Variants in CFAP61 observed in about 807,000 individuals in gnomAD.
CFAP61 encodes the protein cilia and flagella associated protein 61.
CFAP61 carries 107 observed loss-of-function variants against 135.6 expected under a neutral mutation model. That is an observed-to-expected ratio of 0.79 (90% CI 0.67 to 0.93). The LOEUF is 0.93. Among genes scored for constraint, CFAP61 ranks in the 40% least tolerant of loss-of-function variants. The pLI is 0.00. For missense variants in CFAP61, 1,507 were observed against 1,556.2 expected (o/e 0.97, Z 0.53); for synonymous variants, 575 against 578.5 (o/e 0.99, Z 0.09).
At chr20:20,227,755 G>A (rs1601510103) in intron 17 of CFAP61, among the ~76,000 whole-genome samples, 1 of 152,182 alleles carries the variant, frequency 6.6e-6, no homozygotes, top group African/African-American at 2.4e-5. Context: ...CTGTCCACAA[G>A]ACACCGCGTT....
At position 20,071,122 on chromosome 20, in the gene CFAP61, A is replaced by G. The variant is rs570168091; in HGVS notation, c.294+118A>G. On this transcript the variant is annotated intron_variant, in intron 3 of 26. Transcript: ENST00000245957. Reference sequence around the variant, plus strand: ...GCAGTATATGACATCATGACAGTTAAAAGTGAAGGGAGCTGGTGGGGAGGA... The same window carrying G: ...GCAGTATATGACATCATGACAGTTAGAAGTGAAGGGAGCTGGTGGGGAGGA... 4.7e-4 allele frequency: 481 copies of G among 1,025,958 alleles called. No individual in the cohort carries two copies. The Middle Eastern group carries it at 6.7e-3, about 14-fold the overall frequency. 63.6% of individuals were successfully genotyped at this position (1,025,958 alleles called of 1,614,324 possible). A position where few individuals can be genotyped will look rare whatever the true frequency, so the allele number is the denominator to read the frequency against.
intron 25 of CFAP61, among the ~76,000 whole-genome samples, chr20:20,337,800 GACCTCTTGCCAGGGTTGGCAC>G (rs1282290526): frequency 1.6e-4 from 24 of 152,130 alleles, no homozygotes; most frequent in Admixed American, 3.3e-4. Context: ...CTCTCACCCA[GACCTCTTGCCAGGGTTGGCAC>G]ACCCAGATGC....
chr20:20,254,429 C>A (rs2051345403), intron 20 of CFAP61, among the ~76,000 whole-genome samples: 1 of 151,938 alleles, frequency 6.6e-6, no homozygotes, highest in South Asian at 2.1e-4. Context: ...GAAGACCCAG[C>A]CAGCTGCCCA....
At chr20:20,357,311 C>G (rs1442537418) in intron 26 of CFAP61, among the ~76,000 whole-genome samples, 39 of 28,888 alleles carry the variant, frequency 1.4e-3, no homozygotes, top group Non-Finnish European at 1.8e-3. Context: ...GAAGTGGTCA[C>G]ACTGAGGGGA....
At chr20:20,063,939 G>A (rs1392801782) in intron 2 of CFAP61, among the ~76,000 whole-genome samples, 1 of 151,772 alleles carries the variant, frequency 6.6e-6, no homozygotes, top group Non-Finnish European at 1.5e-5. Flanking sequence ...AGAATATAAA[G>A]TACCTAGTAT....
intron 8 of CFAP61, among the ~76,000 whole-genome samples, chr20:20,108,533 A>G (rs201467474): frequency 2.0e-5 from 3 of 151,766 alleles, no homozygotes; most frequent in African/African-American, 7.3e-5. Context: ...TGAAAAAAAA[A>G]TCAATGCAAA....
intron 21 of CFAP61, among the ~76,000 whole-genome samples, chr20:20,269,811 A>G (rs2147028000): frequency 6.6e-6 from 1 of 152,350 alleles, no homozygotes; most frequent in East Asian, 1.9e-4. Context: ...AACGTGTTAC[A>G]TATCCATCTG....
At chr20:20,082,925 C>G (rs954082269) in intron 6 of CFAP61, among the ~76,000 whole-genome samples, 2 of 152,180 alleles carry the variant, frequency 1.3e-5, no homozygotes, top group African/African-American at 4.8e-5. Context: ...CTATGGAAAA[C>G]AGTGTGGAGA....
chr20:20,274,806 TTAATA>T (rs2053620892), intron 21 of CFAP61, among the ~76,000 whole-genome samples: 1 of 152,234 alleles, frequency 6.6e-6, no homozygotes, highest in Non-Finnish European at 1.5e-5. Context: ...TTTTATTTAT[TTAATA>T]TAACATTATA....
chr20:20,246,240 T>C (rs772367444), intron 19 of CFAP61, 25 bp downstream of exon 19: 94 of 1,377,578 alleles, frequency 6.8e-5, no homozygotes, highest in Non-Finnish European at 8.4e-5. Context: ...TGCTTTTTCA[T>C]TCTGAGGCCT....
chr20:20,296,427 C>CTCCCTCCCTCCT (rs2055608524), intron 24 of CFAP61, among the ~76,000 whole-genome samples: 2 of 122,386 alleles, frequency 1.6e-5, no homozygotes, highest in Admixed American at 1.7e-4. Flanking sequence ...TTCTTTCTTC[C>CTCCCTCCCTCCT]TCCCTCCCTC....
At chr20:20,351,766 T>C (rs1273673238) in intron 26 of CFAP61, among the ~76,000 whole-genome samples, 17 of 152,078 alleles carry the variant, frequency 1.1e-4, no homozygotes, top group Admixed American at 1.1e-3. Flanking sequence ...TGGAAAGATA[T>C]CATGTGTTCA....
At chr20:20,255,957 G>A (rs1379326466) in intron 20 of CFAP61, among the ~76,000 whole-genome samples, 5 of 152,160 alleles carry the variant, frequency 3.3e-5, no homozygotes, top group Admixed American at 6.5e-5. Flanking sequence ...GGCAGCAGTC[G>A]CTCCTGGAGT....
At chr20:20,080,469 A>T (rs1451776099) in intron 6 of CFAP61, among the ~76,000 whole-genome samples, 1 of 152,174 alleles carries the variant, frequency 6.6e-6, no homozygotes, top group African/African-American at 2.4e-5. Context: ...CTTTTTCTAT[A>T]AAAAATAATA....
intron 20 of CFAP61, chr20:20,253,182 C>A: frequency 8.1e-6 from 1 of 123,104 alleles, no homozygotes. Context: ...TTCTTCCTTC[C>A]TTCTTTTTTC....
intron 17 of CFAP61, among the ~76,000 whole-genome samples, chr20:20,223,472 A>G (rs1386274210): frequency 2.0e-5 from 3 of 152,220 alleles, no homozygotes; most frequent in African/African-American, 4.8e-5. Flanking sequence ...GATAGACAGC[A>G]TCATGATCCA....
At chr20:20,085,239 C>T (rs1259683946) in intron 6 of CFAP61, 3 of 985,298 alleles carry the variant, frequency 3.0e-6, no homozygotes, top group East Asian at 2.3e-4. Context: ...CGCTCATTGC[C>T]TCAGAACAGT....
intron 18 of CFAP61, among the ~76,000 whole-genome samples, chr20:20,230,775 C>T (rs755597546): frequency 8.5e-5 from 13 of 152,130 alleles, no homozygotes; most frequent in Non-Finnish European, 1.6e-4. Flanking sequence ...GGGCTGGTCT[C>T]GAACTCCTGG....
At chr20:20,143,036 C>A (rs1450009518) in intron 9 of CFAP61, 88 bp downstream of exon 9, 9 of 776,278 alleles carry the variant, frequency 1.2e-5, no homozygotes, top group African/African-American at 1.8e-5. Flanking sequence ...GTGCTGGCGT[C>A]ACTACGGAGA....
Sources: allele counts gnomAD v4.1 joint callset (sites outside exome capture counted in the v4.1 genomes callset), GRCh38; gene constraint gnomAD v4.1.1; transcripts MANE v1.5; gene names NCBI Gene and HGNC (gene_info 2026-07-23, HGNC 2026-07-21).